Variants in NGLY1 observed in about 807,000 individuals in gnomAD.
NGLY1 encodes peptide-N(4)-(N-acetyl-beta-glucosaminyl)asparagine amidase.
NGLY1 carries 68 observed loss-of-function variants against 84.6 expected under a neutral mutation model. The ratio of observed to expected loss-of-function variants is 0.80; its 90% confidence interval spans 0.66 to 0.98. The LOEUF (loss-of-function observed/expected upper bound fraction) is 0.98, where lower values mean the gene tolerates loss of function less well. Ranked by LOEUF, NGLY1 falls within the 50% of genes least tolerant of loss-of-function variation. NGLY1 has a pLI of 0.00. For missense variants in NGLY1, 779 were observed against 770.2 expected (o/e 1.01, Z -0.14); for synonymous variants, 280 against 275.2 (o/e 1.02, Z -0.17).
At chr3:25,763,674 A>C (rs1707420644) in intron 3 of NGLY1, among the ~76,000 whole-genome samples, 1 of 152,246 alleles carries the variant, frequency 6.6e-6, no homozygotes, top group Non-Finnish European at 1.5e-5. Flanking sequence ...TGTAAGTTTG[A>C]CTTTAGTTCT....
rs772810347 is a variant in NGLY1 at position 25,732,390 on chromosome 3, G to T, written c.1354C>A (p.Pro452Thr). The part of the protein sequence containing the change: ...VEFISPKTPK[P>T]GELGGRISGS... ...GATATTCTTCCCCCAAGTTCTCCAG[G>T]TTTAGGGGTTTTGGGAGATATAAAT... The change falls in exon 9 of 12, where the codon CCT (proline) becomes ACT (threonine). Residue 452 changes from proline (P) to threonine (T), a missense_variant. Physicochemically the swap from Pro to Thr is conservative, Grantham distance 38. Coordinates refer to ENST00000280700, the MANE Select transcript of NGLY1 (RefSeq NM_018297.4). 1.9e-6 allele frequency: 3 copies of T among 1,613,746 alleles called. No individual in the cohort carries two copies. Among genetic ancestry groups the T allele is most frequent in the Non-Finnish European group, 2.5e-6 (3 of 1,179,748 alleles).
At chr3:25,742,657 T>C (rs561009727) in intron 4 of NGLY1, among the ~76,000 whole-genome samples, 1 of 152,232 alleles carries the variant, frequency 6.6e-6, no homozygotes, top group South Asian at 2.1e-4. Flanking sequence ...ATTCTCCTTC[T>C]CAGTCTAGTG....
intron 11 of NGLY1, 37 bp downstream of exon 11, chr3:25,719,977 A>G (rs747771453): frequency 5.1e-6 from 8 of 1,559,078 alleles, no homozygotes; most frequent in Non-Finnish European, 7.0e-6. Flanking sequence ...AGTGGTAAAT[A>G]TATATTTCGT....
At position 25,749,781 on chromosome 3, in the gene NGLY1, A is replaced by G. The variant is rs1213914802; in HGVS notation, c.658+1317T>C. On this transcript the variant is annotated intron_variant, in intron 4 of 11. Transcript: ENST00000280700. ...ATGTGCAACAAAACTTACTGTGCTG[A>G]GATTGCTCACAATGTTTCCTCCAAG... 33 of 1,369,788 alleles carry G rather than the reference A, an allele frequency of 2.4e-5. No individual in the cohort carries two copies. The Admixed American group carries it at 5.5e-4, about 23-fold the overall frequency. The allele number at this position is 1,369,788 out of a possible 1,614,324, so 84.9% of individuals were successfully genotyped here.
chr3:25,761,307 T>C (rs1707313602), intron 3 of NGLY1, among the ~76,000 whole-genome samples: 1 of 152,184 alleles, frequency 6.6e-6, no homozygotes, highest in Non-Finnish European at 1.5e-5. Context: ...GCTGGAAACA[T>C]AATGCTTCTA....
At chr3:25,722,309 C>G (rs1262466499) in intron 10 of NGLY1, among the ~76,000 whole-genome samples, 1 of 150,640 alleles carries the variant, frequency 6.6e-6, no homozygotes, top group Non-Finnish European at 1.5e-5. Flanking sequence ...TAGACTTGAT[C>G]TTTTTAGAAA....
intron 3 of NGLY1, among the ~76,000 whole-genome samples, chr3:25,753,091 T>C (rs1225559041): frequency 6.6e-6 from 1 of 151,698 alleles, no homozygotes; most frequent in East Asian, 1.9e-4. Flanking sequence ...CTAGTATGTA[T>C]GGAAAACAAA....
chr3:25,769,073 A>G (rs967739016), intron 2 of NGLY1, among the ~76,000 whole-genome samples: 6 of 152,100 alleles, frequency 3.9e-5, no homozygotes, highest in African/African-American at 1.4e-4. Context: ...AAAATGAGCA[A>G]AAGAGGCCGG....
In NGLY1 at chr3:25,761,451, A is replaced by C. The variant is rs143579210; in HGVS notation, c.492+2615T>G. ...GGAACACTAAACACTTAGCATGTAC[A>C]ACCAGCAAGTTTGAAAATCAATTAA... On this transcript the variant is annotated intron_variant, in intron 3 of 11. Transcript: ENST00000280700. Among the ~76,000 whole-genome samples the C allele has an allele frequency of 2.1e-3, 315 of 152,332 alleles. 2 individuals carry two copies. Among genetic ancestry groups the C allele is most frequent in the African/African-American group, 7.1e-3 (297 of 41,576 alleles).
chr3:25,773,474 G>C (rs900684907), intron 2 of NGLY1, among the ~76,000 whole-genome samples: 1 of 152,052 alleles, frequency 6.6e-6, no homozygotes, highest in Admixed American at 6.5e-5. Context: ...TCCAGAAGTT[G>C]TAATTGTTTT....
Position 25,750,099 on chromosome 3 carries a change from C to T in NGLY1, c.658+999G>A, listed in dbSNP as rs1306649569. ...GTTCCACATGGCTGGAGAGGCCTCC[C>T]AAAACTTATCATGGCAGAAGGCACC... On this transcript the variant is annotated intron_variant, in intron 4 of 11. Coordinates refer to ENST00000280700, the MANE Select transcript of NGLY1 (RefSeq NM_018297.4). Among the ~76,000 whole-genome samples the T allele has an allele frequency of 2.6e-5, 4 of 152,040 alleles. No individual in the cohort carries two copies. In the East Asian group the frequency reaches 7.7e-4, roughly 29 times the overall value.
upstream of NGLY1, among the ~76,000 whole-genome samples, chr3:25,786,051 A>G (rs9853556): frequency 0.04 from 6,152 of 152,300 alleles, 382 homozygotes; most frequent in African/African-American, 0.14. Context: ...CAAATTCCTG[A>G]AAGACTTCAA....
chr3:25,743,201 C>T (rs150471096), intron 4 of NGLY1, among the ~76,000 whole-genome samples: 29 of 152,218 alleles, frequency 1.9e-4, no homozygotes, highest in African/African-American at 6.7e-4. Flanking sequence ...TTCGATTTCC[C>T]GCTGTGATAA....
chr3:25,778,833 A>G (rs1010034794), intron 1 of NGLY1, 145 bp from the exon 2 acceptor site: 13 of 432,124 alleles, frequency 3.0e-5, no homozygotes, highest in African/African-American at 6.2e-5. Flanking sequence ...TGTTTTTACT[A>G]TAAGTAAAAA....
chr3:25,723,129 T>C (rs143159288), intron 10 of NGLY1, among the ~76,000 whole-genome samples: 179 of 152,302 alleles, frequency 1.2e-3, no homozygotes, highest in African/African-American at 4.1e-3. Context: ...ACTTCAAATC[T>C]AGCTTACTCC....
intron 2 of NGLY1, among the ~76,000 whole-genome samples, chr3:25,774,149 G>C (rs902552958): frequency 6.6e-6 from 1 of 152,244 alleles, no homozygotes; most frequent in African/African-American, 2.4e-5. Context: ...GGTTAGCCAG[G>C]ATGTTACAGG....
intron 4 of NGLY1, among the ~76,000 whole-genome samples, chr3:25,740,030 T>C (rs2125486269): frequency 6.6e-6 from 1 of 152,348 alleles, no homozygotes; most frequent in East Asian, 1.9e-4. Context: ...TTTTATATCC[T>C]CTAACTGACA....
intron 2 of NGLY1, among the ~76,000 whole-genome samples, chr3:25,775,628 T>G (rs1708121773): frequency 6.6e-6 from 1 of 152,052 alleles, no homozygotes; most frequent in African/African-American, 2.4e-5. Flanking sequence ...AAAAAGATAT[T>G]ACAAAATTAA....
intron 3 of NGLY1, chr3:25,755,707 T>C: frequency 7.4e-7 from 1 of 1,353,334 alleles, no homozygotes; most frequent in Non-Finnish European, 1.0e-6. Context: ...TAGATGCATT[T>C]CAAAAGGAAA....
Sources: gnomAD v4.1 joint callset for allele counts (sites outside exome capture counted in the v4.1 genomes callset) on GRCh38, gnomAD v4.1.1 for gene constraint, MANE v1.5 for transcripts, NCBI Gene and HGNC (gene_info 2026-07-23, HGNC 2026-07-21) for gene names.